Variants in ESYT3 observed in about 807,000 individuals in gnomAD.
ESYT3 encodes extended synaptotagmin 3, also known as extended synaptotagmin-3.
ESYT3 carries 101 observed loss-of-function variants against 111.5 expected under a neutral mutation model. That is an observed-to-expected ratio of 0.91 (90% CI 0.77 to 1.07). The LOEUF is 1.07. Ranked by LOEUF, ESYT3 falls within the 50% of genes least tolerant of loss-of-function variation. ESYT3 has a pLI of 0.00. For missense variants in ESYT3, 1,097 were observed against 1,109.4 expected (o/e 0.99, Z 0.16); for synonymous variants, 416 against 446.8 (o/e 0.93, Z 0.87).
At chr3:138,459,497 G>A (rs902100400) in intron 5 of ESYT3, among the ~76,000 whole-genome samples, 1 of 152,242 alleles carries the variant, frequency 6.6e-6, no homozygotes, top group Non-Finnish European at 1.5e-5. Context: ...CCCTGGGAGA[G>A]GCTTTGGCTG....
intron 14 of ESYT3, chr3:138,469,122 G>A: frequency 1.7e-6 from 1 of 604,354 alleles, no homozygotes; most frequent in South Asian, 2.0e-5. Context: ...CATTTTCTGG[G>A]TCACACAGCT....
Position 138,435,157 on chromosome 3 carries a change from G to A in ESYT3, c.327+32G>A, listed in dbSNP as rs1487622524. ...CAAGCCGGGTGGGAGTGGGAGGTGG[G>A]GAGATGCCTTTCGAGGTTCGGAGGA... On this transcript the variant is annotated intron_variant, in intron 1 of 22. Transcript: ENST00000389567. The surrounding 1 kb of genome is among the most constrained non-coding windows in gnomAD (Gnocchi z 4.8). 3.3e-6 allele frequency: 5 copies of A among 1,521,370 alleles called. No homozygotes were observed. The highest frequency in any genetic ancestry group is 1.7e-4 in the Middle Eastern group (1 of 5,814). 94.2% of individuals were successfully genotyped at this position (1,521,370 alleles called of 1,614,324 possible).
rs2031043908 is a variant in ESYT3, at chr3:138,440,209, G to A, written c.327+5084G>A. The stretch of plus-strand genomic sequence containing the variant: ...GCACTGGGGCTGCCGGCAGAAGCAA[G>A]CACCAGGGGAAAAAGGTGAGCCGTT... On this transcript the variant is annotated intron_variant, in intron 1 of 22. Transcript: ENST00000389567. This position sits in a 1 kb window ranked among gnomAD's most constrained non-coding sequence, Gnocchi z 4.2. 1.3e-5 allele frequency among the ~76,000 whole-genome samples: 2 copies of A among 152,230 alleles called. No individual in the cohort carries two copies. Among genetic ancestry groups the A allele is most frequent in the Non-Finnish European group, 1.5e-5 (1 of 68,040 alleles).
At position 138,464,503 on chromosome 3, in the gene ESYT3, C is replaced by T. The variant is rs745572813; in HGVS notation, c.1074C>T (p.Asn358=). The T allele has an allele frequency of 4.9e-5, 79 of 1,613,912 alleles. 1 individual carries two copies. Among genetic ancestry groups the T allele is most frequent in the Middle Eastern group, 1.6e-4 (1 of 6,084 alleles). ...ACAGGAACCTGAACCCCACCTGGAA[C>T]GAAGTGTTTGAGGTAAGGGTCTCCT... ...TIYRNLNPTW[N]EVFEFMVYEV... The change falls in exon 9 of 23, where the codon AAC becomes AAT. Residue 358 remains asparagine, a synonymous_variant. Coordinates refer to ENST00000389567, the MANE Select transcript of ESYT3 (RefSeq NM_031913.5).
rs36057523 is a variant in ESYT3 at position 138,442,119 on chromosome 3, GTT to G, written c.327+7004_327+7005del. Among the ~76,000 whole-genome samples, 322 of 146,616 alleles carry G rather than the reference GTT, an allele frequency of 2.2e-3. 2 individuals carry two copies. Among genetic ancestry groups the G allele is most frequent in the South Asian group, 9.2e-3 (42 of 4,556 alleles). ...CTGGTTATAAAATGTCTAAAAATGTGTTTTTTTTTTTCTGGTCATGAAAGTAA... is the reference window on the plus strand; with the variant it reads ...CTGGTTATAAAATGTCTAAAAATGTGTTTTTTTTTCTGGTCATGAAAGTAA... On this transcript the variant is annotated intron_variant, in intron 1 of 22. Transcript: ENST00000389567.
Position 138,434,912 on chromosome 3 carries a change from C to G in ESYT3, c.114C>G (p.Phe38Leu). The change falls in exon 1 of 23, where the codon TTC becomes TTG. Residue 38 changes from phenylalanine to leucine, a missense_variant. Physicochemically the swap from Phe to Leu is conservative, Grantham distance 22. Coordinates refer to ENST00000389567, the MANE Select transcript of ESYT3 (RefSeq NM_031913.5). Reference protein sequence around the residue: ...SSQLLPELCTFVVRVLFYLGP... With the variant: ...SSQLLPELCTLVVRVLFYLGP... ...AGCTGCTGCCCGAGCTCTGTACCTT[C>G]GTGGTGCGCGTGCTGTTCTACCTGG... 6.4e-7 allele frequency: 1 copy of G among 1,551,556 alleles called. No individual in the cohort carries two copies.
chr3:138,467,430 C>G, intron 10 of ESYT3, 131 bp from the exon 11 acceptor site: 2 of 892,188 alleles, frequency 2.2e-6, no homozygotes, highest in Non-Finnish European at 3.7e-6. Context: ...CCCATTGGTT[C>G]CTTGGGGTAA....
intron 17 of ESYT3, among the ~76,000 whole-genome samples, chr3:138,471,882 CTT>C (rs1560243660): frequency 6.6e-6 from 1 of 152,198 alleles, no homozygotes; most frequent in African/African-American, 2.4e-5. Flanking sequence ...TTAGGAAAGA[CTT>C]TATCCCCTCA....
intron 2 of ESYT3, among the ~76,000 whole-genome samples, chr3:138,453,184 A>C (rs2032054103): frequency 6.6e-6 from 1 of 152,334 alleles, no homozygotes; most frequent in African/African-American, 2.4e-5. Flanking sequence ...GCCTCTGGGC[A>C]AACCTTGTAG....
intron 10 of ESYT3, among the ~76,000 whole-genome samples, chr3:138,465,760 C>T (rs2032897171): frequency 6.6e-6 from 1 of 152,148 alleles, no homozygotes; most frequent in African/African-American, 2.4e-5. Context: ...TGCTCAGTCC[C>T]AAGGAACCCT....
At chr3:138,453,954 T>C (rs2032105764) in intron 2 of ESYT3, among the ~76,000 whole-genome samples, 2 of 152,248 alleles carry the variant, frequency 1.3e-5, no homozygotes, top group African/African-American at 4.8e-5. Context: ...CCCAAGGAGT[T>C]GTGACCCCGC....
chr3:138,472,768 T>C lies in ESYT3; in HGVS notation c.2146T>C (p.Trp716Arg). 6.2e-7 allele frequency: 1 copy of C among 1,614,232 alleles called. No homozygotes were observed. The highest frequency in any genetic ancestry group is 8.5e-7 in the Non-Finnish European group (1 of 1,180,036). The change falls in exon 18 of 23, where the codon TGG becomes CGG. Residue 716 changes from tryptophan (W) to arginine (R), a missense_variant. Physicochemically the swap from Trp to Arg is moderately radical, Grantham distance 101 (BLOSUM62 -3). Coordinates refer to ENST00000389567, the MANE Select transcript of ESYT3 (RefSeq NM_031913.5). ...GAAATGCCCTGCCTCCCCATTCGCA[T>C]GGCCGCCCAAGAGGCTGGCTCCCAG... ...PMKCPASPFAWPPKRLAPSMS... is the reference protein window; with the variant it reads ...PMKCPASPFARPPKRLAPSMS...
chr3:138,455,729 C>T (rs2032237090), intron 3 of ESYT3, among the ~76,000 whole-genome samples: 3 of 152,318 alleles, frequency 2.0e-5, no homozygotes, highest in Middle Eastern at 6.8e-3. Context: ...TGCCGCCTAG[C>T]GCTTTATATT....
At chr3:138,460,733 G>A (rs948179127) in intron 7 of ESYT3, 67 bp downstream of exon 7, 3 of 1,519,796 alleles carry the variant, frequency 2.0e-6, no homozygotes, top group Non-Finnish European at 2.7e-6. Flanking sequence ...TGCAGCCAGT[G>A]ACAGGAGCTG....
At position 138,471,009 on chromosome 3, in the gene ESYT3, A is replaced by G; in HGVS notation, c.1723A>G (p.Met575Val). Reference protein sequence around the residue: ...DHSGLDSLISMRLVLRFLQVE... With the variant: ...DHSGLDSLISVRLVLRFLQVE... ...CTCAGGCCTGGACAGCCTCATCTCC[A>G]TGAGGCTGGTGCTTCGGGTAAATCT... The change falls in exon 17 of 23, where the codon ATG becomes GTG. Residue 575 changes from methionine to valine, a missense_variant. Coordinates refer to ENST00000389567, the MANE Select transcript of ESYT3 (RefSeq NM_031913.5). The G allele has an allele frequency of 6.2e-7, 1 of 1,613,878 alleles. No homozygotes were observed. The highest frequency in any genetic ancestry group is 1.1e-5 in the South Asian group (1 of 91,076).
chr3:138,448,845 G>A (rs1315440168), intron 1 of ESYT3, among the ~76,000 whole-genome samples: 3 of 152,178 alleles, frequency 2.0e-5, no homozygotes, highest in Non-Finnish European at 4.4e-5. Context: ...TGGGAGTGAA[G>A]GCAGGTGTTG....
chr3:138,474,259 A>G lies in ESYT3; in HGVS notation c.2375A>G (p.Tyr792Cys). ...TGTACCAGCAGTGGAGCTGATCCCT[A>G]CGTCCGTGTCTACTTGTTGCCAGAA... ...TPCTSSGADP[Y>C]VRVYLLPERK... is the part of the protein sequence containing the mutation. Residue 792 changes from tyrosine (Y) to cysteine (C), a missense_variant, in exon 20 of 23, where the codon TAC (tyrosine) becomes TGC (cysteine). Tyr to Cys is a radical substitution (Grantham distance 194). Transcript: ENST00000389567. 6.2e-7 allele frequency: 1 copy of G among 1,613,400 alleles called. No individual in the cohort carries two copies. The highest frequency in any genetic ancestry group is 8.5e-7 in the Non-Finnish European group (1 of 1,179,894).
chr3:138,469,451 G>C lies in ESYT3; in HGVS notation c.1450G>C (p.Asp484His), dbSNP rs765544490. ...SRFARNKVSK[D>H]PSSYVKLSVG... ...TTCCTCACAGAACAAGGTCAGCAAA[G>C]ACCCTTCTTCCTATGTCAAACTATC... Residue 484 changes from aspartate (D) to histidine (H), a missense_variant, in exon 15 of 23, where the codon GAC becomes CAC. By Grantham distance (81) the Asp-to-His change is moderately conservative (BLOSUM62 -1). Transcript: ENST00000389567. The C allele has an allele frequency of 6.2e-7, 1 of 1,613,974 alleles. No individual in the cohort carries two copies. Among genetic ancestry groups the C allele is most frequent in the Non-Finnish European group, 8.5e-7 (1 of 1,179,890 alleles).
chr3:138,450,104 G>A (rs2031828040), intron 1 of ESYT3, among the ~76,000 whole-genome samples: 1 of 152,208 alleles, frequency 6.6e-6, no homozygotes. Context: ...TCAAAGGGGA[G>A]TAGGGAGGAC....
Sources: gnomAD v4.1 joint callset for allele counts (sites outside exome capture counted in the v4.1 genomes callset) on GRCh38, gnomAD v4.1.1 for gene constraint, Gnocchi (gnomAD v3.1) non-coding constraint, MANE v1.5 for transcripts, NCBI Gene and HGNC (gene_info 2026-07-23, HGNC 2026-07-21) for gene names.